The following UMAD1 variants were observed in gnomAD, a reference collection of about 807,000 sequenced individuals.
UMAD1 encodes UBAP1-MVB12-associated (UMA)-domain containing protein 1.
UMAD1 carries 8 observed loss-of-function variants against 6.1 expected under a neutral mutation model. The observed-to-expected ratio is 1.30, with a 90% CI of 0.76 to 2.35. The LOEUF (loss-of-function observed/expected upper bound fraction) is 2.35, where lower values mean the gene tolerates loss of function less well. Ranked by LOEUF, UMAD1 falls within the 30% of genes most tolerant of loss-of-function variation. The probability of loss-of-function intolerance (pLI) is 0.00; values close to 1 mark genes in which losing one functional copy is unlikely to be tolerated. For missense variants in UMAD1, 130 were observed against 78.4 expected, an observed-to-expected ratio of 1.66 and a Z score of -2.49; for synonymous variants, 56 against 31.4, an observed-to-expected ratio of 1.78 and a Z score of -2.61.
chr7:7,739,250 A>G (rs768334284), intron 2 of UMAD1, among the ~76,000 whole-genome samples: 5 of 152,204 alleles, frequency 3.3e-5, no homozygotes, highest in Non-Finnish European at 5.9e-5. Flanking sequence ...CTGCATCAGC[A>G]GGCATTTGAG....
chr7:7,786,687 A>G (rs1782467639), intron 2 of UMAD1, among the ~76,000 whole-genome samples: 1 of 152,198 alleles, frequency 6.6e-6, no homozygotes, highest in African/African-American at 2.4e-5. Flanking sequence ...CAGAAGAGAA[A>G]TACTTTGCTC....
intron 2 of UMAD1, among the ~76,000 whole-genome samples, chr7:7,711,438 T>A (rs1312012234): frequency 6.6e-6 from 1 of 152,232 alleles, no homozygotes; most frequent in African/African-American, 2.4e-5. Context: ...ATGAAAATTC[T>A]ATCCTTTTCA....
intron 2 of UMAD1, among the ~76,000 whole-genome samples, chr7:7,784,174 T>C (rs1782408245): frequency 1.3e-5 from 2 of 152,192 alleles, no homozygotes; most frequent in South Asian, 2.1e-4. Context: ...TGGGAACTTT[T>C]TAAACTCTCT....
At chr7:7,698,939 C>T (rs184459516) in intron 2 of UMAD1, among the ~76,000 whole-genome samples, 195 of 149,382 alleles carry the variant, frequency 1.3e-3, no homozygotes, top group African/African-American at 4.4e-3. Context: ...ACTGAAGTCT[C>T]GACTTCCCTG....
At chr7:7,715,416 C>G (rs1263761185) in intron 2 of UMAD1, among the ~76,000 whole-genome samples, 2 of 152,068 alleles carry the variant, frequency 1.3e-5, no homozygotes, top group African/African-American at 2.4e-5. Context: ...TACTGATAAC[C>G]AAAGCTAGTT....
intron 3 of UMAD1, among the ~76,000 whole-genome samples, chr7:7,832,363 G>C (rs150919900): frequency 3.2e-4 from 48 of 151,736 alleles, no homozygotes; most frequent in African/African-American, 9.7e-4. Context: ...TTTCCTTTCT[G>C]TCTTCAATTC....
chr7:7,851,953 A>T (rs1226151891), intron 3 of UMAD1, among the ~76,000 whole-genome samples: 1 of 152,060 alleles, frequency 6.6e-6, no homozygotes, highest in South Asian at 2.1e-4. Flanking sequence ...CCATTTCAAA[A>T]TGTGAGGCCC....
intron 2 of UMAD1, among the ~76,000 whole-genome samples, chr7:7,719,818 ATAAT>A (rs1227451711): frequency 6.6e-6 from 1 of 152,268 alleles, no homozygotes; most frequent in Non-Finnish European, 1.5e-5. Flanking sequence ...ATCAATTAAA[ATAAT>A]TAAATTGTCT....
chr7:7,817,858 G>A (rs1388680090), intron 3 of UMAD1, among the ~76,000 whole-genome samples: 1 of 151,980 alleles, frequency 6.6e-6, no homozygotes, highest in East Asian at 1.9e-4. Flanking sequence ...CTGTCACCTG[G>A]GCTGGAGTGC....
rs10258538 is a variant in UMAD1, at chr7:7,873,737, T to G, written c.157-3544T>G. Among the ~76,000 whole-genome samples the G allele has an allele frequency of 5.8e-3, 883 of 152,340 alleles. 6 individuals carry two copies. The highest frequency in any genetic ancestry group is 0.02 in the African/African-American group (845 of 41,582). On this transcript the variant is annotated intron_variant, in intron 3 of 3. Transcript: ENST00000682710. Reference sequence around the variant, plus strand: ...TGACGAGTTCCTTCTCTATAAATTCTCTATGGATTTTTTCCTTTCTTATGA... The same window carrying G: ...TGACGAGTTCCTTCTCTATAAATTCGCTATGGATTTTTTCCTTTCTTATGA...
chr7:7,726,236 T>C (rs1209702772), intron 2 of UMAD1, among the ~76,000 whole-genome samples: 1 of 152,192 alleles, frequency 6.6e-6, no homozygotes, highest in African/African-American at 2.4e-5. Context: ...TCAGCAATGC[T>C]TCTGCCAAGA....
At chr7:7,838,022 C>T (rs1310261001) in intron 3 of UMAD1, among the ~76,000 whole-genome samples, 1 of 151,766 alleles carries the variant, frequency 6.6e-6, no homozygotes, top group African/African-American at 2.4e-5. Flanking sequence ...CAATAACAGA[C>T]TAAAATTATA....
intron 2 of UMAD1, among the ~76,000 whole-genome samples, chr7:7,752,523 T>A (rs1781697584): frequency 6.6e-6 from 1 of 151,988 alleles, no homozygotes; most frequent in African/African-American, 2.4e-5. Context: ...AAGAAAAAAA[T>A]TTTATGAAAG....
At chr7:7,671,863 A>C (rs1416701274) in intron 1 of UMAD1, among the ~76,000 whole-genome samples, 1 of 152,122 alleles carries the variant, frequency 6.6e-6, no homozygotes, top group African/African-American at 2.4e-5. Flanking sequence ...GGATTTCAGA[A>C]GCTGTTCCTT....
intron 3 of UMAD1, among the ~76,000 whole-genome samples, chr7:7,862,121 A>G (rs76719165): frequency 0.043 from 6,505 of 152,156 alleles, 246 homozygotes; most frequent in South Asian, 0.16. Flanking sequence ...ATATTTTTAG[A>G]TTTACTTTCT....
At chr7:7,845,469 G>A (rs562054579) in intron 3 of UMAD1, among the ~76,000 whole-genome samples, 2 of 152,056 alleles carry the variant, frequency 1.3e-5, no homozygotes, top group African/African-American at 4.8e-5. Context: ...TAGTAGTAAA[G>A]CTTGAGACTA....
chr7:7,848,990 A>G (rs1285636051), intron 3 of UMAD1, among the ~76,000 whole-genome samples: 5 of 152,162 alleles, frequency 3.3e-5, no homozygotes, highest in Admixed American at 3.3e-4. Context: ...GTTCGATTTT[A>G]TATTACGTGC....
chr7:7,697,743 A>G (rs1033502427), intron 2 of UMAD1, among the ~76,000 whole-genome samples: 2 of 152,182 alleles, frequency 1.3e-5, no homozygotes, highest in African/African-American at 4.8e-5. Flanking sequence ...AGTAAACTGG[A>G]GGATATGAGA....
chr7:7,699,510 C>T (rs968718441), intron 2 of UMAD1, among the ~76,000 whole-genome samples: 21 of 152,224 alleles, frequency 1.4e-4, no homozygotes, highest in African/African-American at 4.8e-4. Flanking sequence ...TAAACAGGAG[C>T]AGTGGAAAGT....
Sources: allele counts gnomAD v4.1 joint callset (sites outside exome capture counted in the v4.1 genomes callset), GRCh38; gene constraint gnomAD v4.1.1; transcripts MANE v1.5; gene names NCBI Gene and HGNC (gene_info 2026-07-23, HGNC 2026-07-21).